The following NOL4 variants were observed in gnomAD, a reference collection of about 807,000 sequenced individuals.
NOL4 encodes the protein cancer/testis antigen 125.
In NOL4, 17 loss-of-function variants were observed where a neutral mutation model predicts 75.9. That is an observed-to-expected ratio of 0.22 (90% CI 0.15 to 0.34). The LOEUF is 0.34. Ranked by LOEUF, NOL4 falls within the 10% of genes least tolerant of loss-of-function variation. NOL4 has a pLI of 1.00. For missense variants in NOL4, 614 were observed against 793.5 expected, an observed-to-expected ratio of 0.77 and a Z score of 2.72; for synonymous variants, 292 against 289.9, an observed-to-expected ratio of 1.01 and a Z score of -0.07.
At chr18:34,101,759 C>T (rs1447920649) in intron 4 of NOL4, among the ~76,000 whole-genome samples, 1 of 152,014 alleles carries the variant, frequency 6.6e-6, no homozygotes, top group African/African-American at 2.4e-5. Context: ...GTCCCTGCAT[C>T]CAGTTTTTTT....
At chr18:34,016,272 T>C (rs180875908) in intron 6 of NOL4, among the ~76,000 whole-genome samples, 1 of 152,222 alleles carries the variant, frequency 6.6e-6, no homozygotes, top group East Asian at 1.9e-4. Flanking sequence ...TCCTCCTGGA[T>C]TGCCACAATA....
At chr18:33,996,022 T>C (rs1159997152) in intron 6 of NOL4, among the ~76,000 whole-genome samples, 4 of 151,916 alleles carry the variant, frequency 2.6e-5, no homozygotes, top group Non-Finnish European at 4.4e-5. Context: ...AGTAGGGTAT[T>C]GAAGTCTTGA....
intron 5 of NOL4, among the ~76,000 whole-genome samples, chr18:34,066,203 A>T (rs983774009): frequency 1.3e-5 from 2 of 151,968 alleles, no homozygotes; most frequent in Non-Finnish European, 2.9e-5. Context: ...TTTAGAAGGC[A>T]AACTTGAAAT....
rs558023946 is a variant in NOL4 at position 34,139,686 on chromosome 18, C to T, written c.265-9666G>A. Among the ~76,000 whole-genome samples, 316 of 151,964 alleles carry T rather than the reference C, an allele frequency of 2.1e-3. 1 individual carries two copies. Among genetic ancestry groups the T allele is most frequent in the Non-Finnish European group, 3.4e-3 (228 of 67,938 alleles). On this transcript the variant is annotated intron_variant, in intron 1 of 10. Transcript: ENST00000261592. Reference sequence around the variant, plus strand: ...TTTGTGTCTCTATATCCTTCAGTTCCGCTCTGATCTTAGTTATTTGTTGCC... The same window carrying T: ...TTTGTGTCTCTATATCCTTCAGTTCTGCTCTGATCTTAGTTATTTGTTGCC...
intron 1 of NOL4, among the ~76,000 whole-genome samples, chr18:34,130,234 A>C (rs1231540109): frequency 6.6e-6 from 1 of 152,066 alleles, no homozygotes; most frequent in Admixed American, 6.6e-5. Context: ...GGCATAGTTA[A>C]TATTGAATAA....
intron 5 of NOL4, among the ~76,000 whole-genome samples, chr18:34,023,941 T>A (rs1380685394): frequency 6.6e-6 from 1 of 151,948 alleles, no homozygotes; most frequent in Non-Finnish European, 1.5e-5. Context: ...TGTTAAGTTA[T>A]CCCACCAGCA....
At chr18:34,107,159 G>T (rs1382822499) in intron 2 of NOL4, among the ~76,000 whole-genome samples, 1 of 152,080 alleles carries the variant, frequency 6.6e-6, no homozygotes, top group East Asian at 1.9e-4. Context: ...CTTCAGGATA[G>T]ATTTATCATT....
At chr18:33,930,711 G>A (rs965400056) in intron 9 of NOL4, among the ~76,000 whole-genome samples, 2 of 152,114 alleles carry the variant, frequency 1.3e-5, no homozygotes, top group Non-Finnish European at 2.9e-5. Flanking sequence ...ACATTTTTGT[G>A]CATTCTGTTT....
At chr18:34,172,292 C>G (rs559674036) in intron 1 of NOL4, among the ~76,000 whole-genome samples, 1 of 152,036 alleles carries the variant, frequency 6.6e-6, no homozygotes, top group Admixed American at 6.5e-5. Flanking sequence ...AACTGAATCA[C>G]CCAGCTTTAA....
chr18:34,201,566 A>G (rs1380019489), intron 1 of NOL4, among the ~76,000 whole-genome samples: 1 of 151,918 alleles, frequency 6.6e-6, no homozygotes, highest in African/African-American at 2.4e-5. Context: ...ATTATTTGAT[A>G]CTTTTCATCT....
At chr18:34,167,936 A>G (rs148239440) in intron 1 of NOL4, among the ~76,000 whole-genome samples, 1 of 152,202 alleles carries the variant, frequency 6.6e-6, no homozygotes, top group East Asian at 1.9e-4. Context: ...TTTTCAGTGC[A>G]CTAAATCTCT....
intron 5 of NOL4, among the ~76,000 whole-genome samples, chr18:34,067,087 T>C (rs968251228): frequency 1.3e-5 from 2 of 152,100 alleles, no homozygotes; most frequent in African/African-American, 2.4e-5. Context: ...GTAAGTTATA[T>C]AGATAGAAGA....
intron 1 of NOL4, among the ~76,000 whole-genome samples, chr18:34,152,257 G>A (rs1034387900): frequency 2.0e-5 from 3 of 151,344 alleles, no homozygotes; most frequent in African/African-American, 7.3e-5. Context: ...AAATTTCTAG[G>A]GTCATGTGAG....
chr18:33,967,298 C>T (rs112277904), intron 6 of NOL4, among the ~76,000 whole-genome samples: 1 of 152,164 alleles, frequency 6.6e-6, no homozygotes, highest in Non-Finnish European at 1.5e-5. Flanking sequence ...AACTGGACCA[C>T]TACCTATCAC....
chr18:33,924,453 A>G (rs978384929), intron 9 of NOL4, among the ~76,000 whole-genome samples: 8 of 152,260 alleles, frequency 5.3e-5, no homozygotes, highest in Non-Finnish European at 4.4e-5. Flanking sequence ...CTATTGGGCC[A>G]TCTATTACCA....
At chr18:33,930,799 T>TA (rs1043078423) in intron 9 of NOL4, among the ~76,000 whole-genome samples, 11 of 152,044 alleles carry the variant, frequency 7.2e-5, no homozygotes, top group Admixed American at 6.6e-4. Context: ...CTTTTGAAAT[T>TA]AAAAAGAATA....
chr18:33,958,285 A>G lies in NOL4; in HGVS notation c.1190T>C (p.Val397Ala), dbSNP rs1158445568. The G allele has an allele frequency of 1.2e-6, 2 of 1,613,734 alleles. No homozygotes were observed. Among genetic ancestry groups the G allele is most frequent in the African/African-American group, 2.7e-5 (2 of 75,008 alleles). ...DHEDHDDSEK[V>A]NETDGVEAER... ...GGCTTCAACGCCGTCTGTCTCATTAACTTTCTCCGAATCGTCATGGTCCTC... is the reference window on the plus strand; with the variant it reads ...GGCTTCAACGCCGTCTGTCTCATTAGCTTTCTCCGAATCGTCATGGTCCTC... Residue 397 changes from valine to alanine, a missense_variant, in exon 7 of 11, where the codon GTT (valine) becomes GCT (alanine). Coordinates refer to ENST00000261592, the MANE Select transcript of NOL4 (RefSeq NM_003787.5).
At chr18:33,990,611 A>C (rs1278465662) in intron 6 of NOL4, among the ~76,000 whole-genome samples, 14 of 152,038 alleles carry the variant, frequency 9.2e-5, no homozygotes, top group Admixed American at 9.2e-4. Context: ...ACAGCCATTT[A>C]TTCTTCTACA....
chr18:34,163,146 C>T (rs922946777), intron 1 of NOL4, among the ~76,000 whole-genome samples: 4 of 152,148 alleles, frequency 2.6e-5, no homozygotes, highest in African/African-American at 9.7e-5. Flanking sequence ...ACTGAATAGG[C>T]AAAAGCTGGA....
Sources: allele counts gnomAD v4.1 joint callset (sites outside exome capture counted in the v4.1 genomes callset), GRCh38; gene constraint gnomAD v4.1.1; transcripts MANE v1.5; gene names NCBI Gene and HGNC (gene_info 2026-07-23, HGNC 2026-07-21).